The following SUGCT variants were observed in gnomAD, a reference collection of about 807,000 sequenced individuals.
SUGCT encodes succinyl-CoA:glutarate-CoA transferase, also known as succinyl-CoA:glutarate CoA-transferase.
In SUGCT, 41 loss-of-function variants were observed where a neutral mutation model predicts 55.0. That is an observed-to-expected ratio of 0.74 (90% CI 0.58 to 0.97). The LOEUF (loss-of-function observed/expected upper bound fraction) is 0.97, where lower values mean the gene tolerates loss of function less well. Ranked by LOEUF, SUGCT falls within the 50% of genes least tolerant of loss-of-function variation. The pLI is 0.00. For synonymous variants in SUGCT, 187 were observed against 200.4 expected (o/e 0.93, Z 0.56); for missense variants, 568 against 547.8 (o/e 1.04, Z -0.37).
At chr7:40,302,376 G>A (rs192538839) in intron 8 of SUGCT, among the ~76,000 whole-genome samples, 9 of 152,188 alleles carry the variant, frequency 5.9e-5, no homozygotes, top group Non-Finnish European at 1.2e-4. Context: ...CTTTACCCTT[G>A]TGTTAGTTTT....
At chr7:40,748,467 G>A (rs975708380) in intron 12 of SUGCT, among the ~76,000 whole-genome samples, 1 of 151,470 alleles carries the variant, frequency 6.6e-6, no homozygotes, top group African/African-American at 2.4e-5. Context: ...AAAGAGTTTT[G>A]TATTGGTTTA....
intron 13 of SUGCT, among the ~76,000 whole-genome samples, chr7:40,852,511 C>G (rs551349433): frequency 6.6e-6 from 1 of 151,860 alleles, no homozygotes; most frequent in Non-Finnish European, 1.5e-5. Flanking sequence ...ACTGTCACTA[C>G]TATAGTCTAT....
chr7:40,982,577 CCTT>C, the SUGCT span, among the ~76,000 whole-genome samples: 1 of 152,130 alleles, frequency 6.6e-6, no homozygotes, highest in Non-Finnish European at 1.5e-5. Context: ...ATTAGAACCA[CCTT>C]CTAACTTGTT....
chr7:40,135,395 C>G (rs953858200), intron 1 of SUGCT, among the ~76,000 whole-genome samples: 1 of 152,236 alleles, frequency 6.6e-6, no homozygotes, highest in South Asian at 2.1e-4. Context: ...CGTTTGGGGC[C>G]TCTTTACTCC....
At chr7:40,300,003 G>A (rs1794439241) in intron 8 of SUGCT, among the ~76,000 whole-genome samples, 1 of 152,042 alleles carries the variant, frequency 6.6e-6, no homozygotes, top group African/African-American at 2.4e-5. Flanking sequence ...TAGGGGGGTT[G>A]TTTTTCCTGG....
intron 12 of SUGCT, among the ~76,000 whole-genome samples, chr7:40,595,280 T>C (rs1797944490): frequency 6.6e-6 from 1 of 152,220 alleles, no homozygotes; most frequent in South Asian, 2.1e-4. Context: ...ATTTGTATGA[T>C]GCTGAAGGCC....
At chr7:40,579,672 A>G (rs540484644) in intron 12 of SUGCT, among the ~76,000 whole-genome samples, 1 of 152,324 alleles carries the variant, frequency 6.6e-6, no homozygotes, top group South Asian at 2.1e-4. Context: ...GGCTTTAGTC[A>G]GGAGACAGTG....
chr7:40,817,932 T>G (rs184435489), intron 13 of SUGCT, among the ~76,000 whole-genome samples: 1 of 152,272 alleles, frequency 6.6e-6, no homozygotes, highest in Non-Finnish European at 1.5e-5. Flanking sequence ...GGTTGCTAGG[T>G]GGGCTTTTTG....
intron 13 of SUGCT, among the ~76,000 whole-genome samples, chr7:40,853,076 CAAAA>C (rs60985337): frequency 1.1e-5 from 1 of 95,186 alleles, no homozygotes; most frequent in Admixed American, 1.1e-4. Context: ...CACAACACTT[CAAAA>C]AAAAAAAAAA....
chr7:40,260,999 C>T lies in SUGCT; in HGVS notation c.577-13514C>T, dbSNP rs754441131. 2.4e-4 allele frequency among the ~76,000 whole-genome samples: 36 copies of T among 152,052 alleles called. 1 individual carries two copies. Among genetic ancestry groups the T allele is most frequent in the Non-Finnish European group, 4.4e-4 (30 of 67,964 alleles). ...CCACTTTTTTTTTCTATCTCAGTTA[C>T]TTTTCAGAGTGTTGTGTTCATTTGG... On this transcript the variant is annotated intron_variant, in intron 7 of 13. Transcript: ENST00000335693.
At chr7:40,616,075 G>A (rs1271389440) in intron 12 of SUGCT, among the ~76,000 whole-genome samples, 1 of 152,160 alleles carries the variant, frequency 6.6e-6, no homozygotes, top group African/African-American at 2.4e-5. Flanking sequence ...ATAAATATAT[G>A]ACTGGAGAAT....
intron 9 of SUGCT, among the ~76,000 whole-genome samples, chr7:40,448,542 A>G (rs938276014): frequency 6.6e-6 from 1 of 151,962 alleles, no homozygotes; most frequent in African/African-American, 2.4e-5. Context: ...AATGAAACCA[A>G]CTATCCAAAT....
At chr7:40,870,656 A>G in the SUGCT span, among the ~76,000 whole-genome samples, 1 of 152,330 alleles carries the variant, frequency 6.6e-6, no homozygotes, top group East Asian at 1.9e-4. Context: ...AGTTTTGCCC[A>G]CGAATTTTAG....
At chr7:40,517,911 A>G (rs529443310) in intron 12 of SUGCT, among the ~76,000 whole-genome samples, 3 of 152,256 alleles carry the variant, frequency 2.0e-5, no homozygotes, top group East Asian at 3.9e-4. Flanking sequence ...TGCATATTAT[A>G]TAATTCCAAT....
chr7:40,307,681 G>A (rs1184124279), intron 8 of SUGCT, among the ~76,000 whole-genome samples: 1 of 152,174 alleles, frequency 6.6e-6, no homozygotes, highest in Non-Finnish European at 1.5e-5. Context: ...GCTTTGATCA[G>A]TCGTAAATAC....
chr7:40,578,181 T>G (rs2151704867), intron 12 of SUGCT, among the ~76,000 whole-genome samples: 1 of 152,288 alleles, frequency 6.6e-6, no homozygotes, highest in South Asian at 2.1e-4. Flanking sequence ...GAGAATGACT[T>G]GTCTAACCCT....
chr7:40,321,168 T>C (rs535030767), intron 9 of SUGCT, among the ~76,000 whole-genome samples: 5 of 141,586 alleles, frequency 3.5e-5, no homozygotes, highest in Middle Eastern at 4.1e-3. Flanking sequence ...CTCTGCCTCC[T>C]CGGTTCAAGT....
At chr7:40,155,102 A>G (rs1452042273) in intron 1 of SUGCT, among the ~76,000 whole-genome samples, 1 of 152,166 alleles carries the variant, frequency 6.6e-6, no homozygotes, top group African/African-American at 2.4e-5. Flanking sequence ...CCTCGCCAAC[A>G]TGGGAAACCC....
intron 10 of SUGCT, among the ~76,000 whole-genome samples, chr7:40,449,855 A>T (rs1293860303): frequency 6.6e-6 from 1 of 152,124 alleles, no homozygotes; most frequent in African/African-American, 2.4e-5. Flanking sequence ...TGAAGAATTT[A>T]TGTTTCAAGG....
Sources: allele counts gnomAD v4.1 joint callset (sites outside exome capture counted in the v4.1 genomes callset), GRCh38; gene constraint gnomAD v4.1.1; transcripts MANE v1.5; gene names NCBI Gene and HGNC (gene_info 2026-07-23, HGNC 2026-07-21).